Variants in CSMD1 observed in about 807,000 individuals in gnomAD.
CSMD1 encodes CUB and Sushi multiple domains 1.
A neutral mutation model predicts 417.5 loss-of-function variants in CSMD1; 213 were observed. The observed-to-expected ratio is 0.51, with a 90% CI of 0.46 to 0.57. CSMD1 has a LOEUF of 0.57. Ranked by LOEUF, CSMD1 falls within the 20% of genes least tolerant of loss-of-function variation. CSMD1 has a pLI of 0.00. For missense variants in CSMD1, 6,923 were observed against 4,529.7 expected (o/e 1.53, Z -15.17); for synonymous variants, 2,862 against 1,736.8 (o/e 1.65, Z -16.11).
At chr8:3,506,393 G>A (rs1039022195) in intron 10 of CSMD1, among the ~76,000 whole-genome samples, 6 of 152,130 alleles carry the variant, frequency 3.9e-5, no homozygotes, top group African/African-American at 1.4e-4. Context: ...GAGTAAACAC[G>A]TTTTTACACA....
chr8:4,029,996 A>C (rs191641013), intron 4 of CSMD1, among the ~76,000 whole-genome samples: 5 of 152,302 alleles, frequency 3.3e-5, no homozygotes, highest in Admixed American at 2.6e-4. Context: ...TGTGTCTCAC[A>C]TCCAGGTCAT....
At chr8:4,832,736 G>T (rs1346560615) in intron 1 of CSMD1, among the ~76,000 whole-genome samples, 1 of 152,224 alleles carries the variant, frequency 6.6e-6, no homozygotes, top group South Asian at 2.1e-4. Flanking sequence ...AATTAAAGTG[G>T]AGAGAGATTA....
At chr8:3,495,051 T>G (rs188593350) in intron 10 of CSMD1, among the ~76,000 whole-genome samples, 1 of 152,218 alleles carries the variant, frequency 6.6e-6, no homozygotes, top group Non-Finnish European at 1.5e-5. Context: ...ATAGCCATTA[T>G]AATTTATTTA....
At chr8:4,375,576 G>C (rs1300330941) in intron 3 of CSMD1, among the ~76,000 whole-genome samples, 1 of 152,142 alleles carries the variant, frequency 6.6e-6, no homozygotes, top group East Asian at 1.9e-4. Flanking sequence ...CATTTCAACT[G>C]AAGACTCCTA....
chr8:4,185,293 T>TTA (rs1563239859), intron 3 of CSMD1, among the ~76,000 whole-genome samples: 2 of 152,170 alleles, frequency 1.3e-5, no homozygotes, highest in Non-Finnish European at 2.9e-5. Flanking sequence ...AATTGTTTAA[T>TTA]CTTTTTGTTT....
In CSMD1 at chr8:3,560,464, C is replaced by G. The variant is rs187256363; in HGVS notation, c.1344+14481G>C. Among the ~76,000 whole-genome samples the G allele has an allele frequency of 2.0e-5, 3 of 152,216 alleles. No homozygotes were observed. In the East Asian group the frequency reaches 5.8e-4, roughly 29 times the overall value. On this transcript the variant is annotated intron_variant, in intron 10 of 69. Coordinates refer to ENST00000635120, the MANE Select transcript of CSMD1 (RefSeq NM_033225.6). The stretch of plus-strand genomic sequence containing the variant: ...AGATGGGATCCCAGGTCTGTGAACT[C>G]CAGACTGATTCTTCTCATGCTGTAT...
chr8:3,907,694 G>T (rs1057053282), intron 5 of CSMD1, among the ~76,000 whole-genome samples: 27 of 152,124 alleles, frequency 1.8e-4, no homozygotes, highest in African/African-American at 6.0e-4. Flanking sequence ...GAGCAATGTG[G>T]ACTTCTGTGG....
In CSMD1 at chr8:4,641,473, G is replaced by A. The variant is rs551211879; in HGVS notation, c.86-3915C>T. On this transcript the variant is annotated intron_variant, in intron 1 of 69. Transcript: ENST00000635120. ...TTCTGTCTTATACTGTTGGACTGAG[G>A]TTCTGTTTTCAAACTACATTTTCAC... 2.2e-4 allele frequency among the ~76,000 whole-genome samples: 34 copies of A among 152,206 alleles called. No homozygotes were observed. The South Asian group carries it at 6.8e-3, about 31-fold the overall frequency.
intron 5 of CSMD1, among the ~76,000 whole-genome samples, chr8:3,850,670 G>T (rs940521253): frequency 2.0e-5 from 3 of 152,040 alleles, no homozygotes; most frequent in Non-Finnish European, 4.4e-5. Flanking sequence ...ACTCCAGCCT[G>T]GGTGACAGAG....
At chr8:3,868,693 G>A (rs574463337) in intron 5 of CSMD1, among the ~76,000 whole-genome samples, 6 of 152,156 alleles carry the variant, frequency 3.9e-5, no homozygotes, top group African/African-American at 9.6e-5. Flanking sequence ...TGAATGCAGC[G>A]TTATCCTTCC....
chr8:3,384,387 G>C (rs1318924750), intron 18 of CSMD1, among the ~76,000 whole-genome samples: 1 of 151,632 alleles, frequency 6.6e-6, no homozygotes, highest in Non-Finnish European at 1.5e-5. Flanking sequence ...CTACAAAATG[G>C]AATAATTATA....
chr8:4,369,009 G>T (rs150546399), intron 3 of CSMD1, among the ~76,000 whole-genome samples: 2 of 152,048 alleles, frequency 1.3e-5, no homozygotes, highest in South Asian at 2.1e-4. Context: ...GTTTGCTCTG[G>T]TTTTTCTAGT....
At chr8:4,841,022 G>C (rs934723967) in intron 1 of CSMD1, among the ~76,000 whole-genome samples, 1 of 152,148 alleles carries the variant, frequency 6.6e-6, no homozygotes, top group Non-Finnish European at 1.5e-5. Context: ...TCAGCCCCCT[G>C]GCTCCACCCT....
chr8:4,450,754 C>A (rs1168051283), intron 2 of CSMD1, among the ~76,000 whole-genome samples: 1 of 152,168 alleles, frequency 6.6e-6, no homozygotes, highest in African/African-American at 2.4e-5. Context: ...AAACAGCGGT[C>A]TCTTCACAAA....
chr8:3,548,140 C>CT (rs1798754414), intron 10 of CSMD1, among the ~76,000 whole-genome samples: 1 of 152,134 alleles, frequency 6.6e-6, no homozygotes, highest in Non-Finnish European at 1.5e-5. Flanking sequence ...CTGTATGACT[C>CT]TATCGGTACA....
chr8:3,577,369 C>T (rs1324976369), intron 9 of CSMD1, among the ~76,000 whole-genome samples: 2 of 152,192 alleles, frequency 1.3e-5, no homozygotes, highest in Non-Finnish European at 2.9e-5. Flanking sequence ...CCTTCAGAGA[C>T]ATTCTTTACC....
intron 3 of CSMD1, among the ~76,000 whole-genome samples, chr8:4,329,405 C>T (rs1489547302): frequency 6.6e-6 from 1 of 152,116 alleles, no homozygotes; most frequent in Non-Finnish European, 1.5e-5. Flanking sequence ...TCTCCCACCG[C>T]AGCCTCCCGG....
rs572498578 is a variant in CSMD1 at position 4,506,415 on chromosome 8, C to T, written c.303-86350G>A. ...GGGGAGAGAGAGAAAGTGATGAACG[C>T]CGCACTTCAGGCCTAGCCCAGCAAA... On this transcript the variant is annotated intron_variant, in intron 2 of 69. Transcript: ENST00000635120. Among the ~76,000 whole-genome samples the T allele has an allele frequency of 9.2e-5, 14 of 152,218 alleles. No individual in the cohort carries two copies. The South Asian group carries it at 2.7e-3, about 29-fold the overall frequency.
chr8:3,787,716 T>G lies in CSMD1; in HGVS notation c.819-33674A>C, dbSNP rs189124591. 1.2e-3 allele frequency among the ~76,000 whole-genome samples: 177 copies of G among 152,338 alleles called. No individual in the cohort carries two copies. The Middle Eastern group carries it at 0.014, about 12-fold the overall frequency. ...TTTTCACACAACTAGAAATTTACAT[T>G]ACATTTGTAAGAAAAACATAGACCC... On this transcript the variant is annotated intron_variant, in intron 5 of 69. Coordinates refer to ENST00000635120, the MANE Select transcript of CSMD1 (RefSeq NM_033225.6).
Sources: allele counts gnomAD v4.1 joint callset (sites outside exome capture counted in the v4.1 genomes callset), GRCh38; gene constraint gnomAD v4.1.1; transcripts MANE v1.5; gene names NCBI Gene and HGNC (gene_info 2026-07-23, HGNC 2026-07-21).